Variants in FRMD4A observed in about 807,000 individuals in gnomAD.
FRMD4A encodes the protein FERM domain containing 4A.
In FRMD4A, 29 loss-of-function variants were observed where a neutral mutation model predicts 129.1. The ratio of observed to expected loss-of-function variants is 0.22; its 90% CI spans 0.17 to 0.31. FRMD4A has a LOEUF of 0.31. Ranked by LOEUF, FRMD4A falls within the 10% of genes least tolerant of loss-of-function variation. The pLI is 1.00. For missense variants in FRMD4A, 1,272 were observed against 1,375.8 expected (o/e 0.92, Z 1.19); for synonymous variants, 634 against 571.6 (o/e 1.11, Z -1.56).
rs185047038 is a variant in FRMD4A at position 13,866,465 on chromosome 10, C to T, written c.46-7553G>A. ...GGGTACTGGGTCACCTCAAGAGACA[C>T]ATCCTTCTCTCCACTTCAGTTTCCT... On this transcript the variant is annotated intron_variant, in intron 2 of 24. Coordinates refer to ENST00000357447, the MANE Select transcript of FRMD4A (RefSeq NM_018027.5). Among the ~76,000 whole-genome samples, 820 of 152,286 alleles carry T rather than the reference C, an allele frequency of 5.4e-3. 4 individuals are homozygous for T. Among genetic ancestry groups the T allele is most frequent in the Non-Finnish European group, 9.7e-3 (661 of 68,034 alleles).
chr10:13,786,679 C>G (rs954498788), intron 5 of FRMD4A, among the ~76,000 whole-genome samples: 3 of 151,702 alleles, frequency 2.0e-5, no homozygotes, highest in African/African-American at 7.3e-5. Flanking sequence ...ATAAAAGAAA[C>G]TAAAGGAAGG....
intron 3 of FRMD4A, among the ~76,000 whole-genome samples, chr10:13,815,497 A>T (rs2093527321): frequency 6.6e-6 from 1 of 152,160 alleles, no homozygotes. Flanking sequence ...GACATTGTGT[A>T]TGCATTTGAT....
At chr10:14,329,229 A>G (rs1158717836) in intron 2 of FRMD4A, among the ~76,000 whole-genome samples, 1 of 152,186 alleles carries the variant, frequency 6.6e-6, no homozygotes. Context: ...AAACATTTCC[A>G]TGCCAAGCCT....
At chr10:14,129,407 TAAA>T (rs56914092) in intron 2 of FRMD4A, among the ~76,000 whole-genome samples, 12 of 112,374 alleles carry the variant, frequency 1.1e-4, no homozygotes, top group South Asian at 2.6e-4. Flanking sequence ...TATATATATA[TAAA>T]AAATATGAGC....
intron 3 of FRMD4A, among the ~76,000 whole-genome samples, chr10:13,822,723 C>A (rs2093647929): frequency 6.6e-6 from 1 of 152,154 alleles, no homozygotes; most frequent in East Asian, 1.9e-4. Flanking sequence ...CACACAGCTC[C>A]AGGCAGCCAT....
At chr10:14,289,759 T>A (rs1308740664) in intron 2 of FRMD4A, among the ~76,000 whole-genome samples, 1 of 151,804 alleles carries the variant, frequency 6.6e-6, no homozygotes, top group Non-Finnish European at 1.5e-5. Context: ...CTAGCCAGAG[T>A]AATTAGGTAA....
chr10:13,971,737 C>A, intron 2 of FRMD4A: 1 of 1,304,392 alleles, frequency 7.7e-7, no homozygotes, highest in Middle Eastern at 2.1e-4. Flanking sequence ...AGGTCCTCAG[C>A]GCCCGACAAG....
intron 3 of FRMD4A, among the ~76,000 whole-genome samples, chr10:13,825,572 C>T (rs774410845): frequency 6.6e-6 from 1 of 152,186 alleles, no homozygotes; most frequent in Non-Finnish European, 1.5e-5. Flanking sequence ...CCTTGCCCCT[C>T]CCCACCCTGG....
At chr10:13,976,723 A>T (rs1297199200) in intron 2 of FRMD4A, among the ~76,000 whole-genome samples, 1 of 152,192 alleles carries the variant, frequency 6.6e-6, no homozygotes, top group South Asian at 2.1e-4. Context: ...GGAGAAGTAT[A>T]TTTATAGCAA....
intron 2 of FRMD4A, among the ~76,000 whole-genome samples, chr10:14,190,686 A>G (rs138405757): frequency 6.2e-4 from 95 of 152,320 alleles, no homozygotes; most frequent in African/African-American, 2.1e-3. Flanking sequence ...GCATCTGTCA[A>G]CACTGGATTT....
intron 12 of FRMD4A, among the ~76,000 whole-genome samples, chr10:13,717,010 G>A (rs1033019732): frequency 6.6e-6 from 1 of 152,140 alleles, no homozygotes; most frequent in Non-Finnish European, 1.5e-5. Context: ...GACTGGCTGG[G>A]GTCAGTGGGT....
chr10:14,254,260 AC>A (rs1238622549), intron 2 of FRMD4A, among the ~76,000 whole-genome samples: 2 of 151,856 alleles, frequency 1.3e-5, no homozygotes, highest in Non-Finnish European at 2.9e-5. Flanking sequence ...ATCACTATAC[AC>A]CCTTAGGTGG....
chr10:14,318,090 C>T (rs1846816196), intron 2 of FRMD4A, among the ~76,000 whole-genome samples: 1 of 152,082 alleles, frequency 6.6e-6, no homozygotes. Context: ...TCATGTTTCC[C>T]CATTGTAGCA....
chr10:14,076,840 G>T (rs993878741), intron 2 of FRMD4A, among the ~76,000 whole-genome samples: 3 of 152,244 alleles, frequency 2.0e-5, no homozygotes, highest in African/African-American at 7.2e-5. Context: ...AACTACTTGT[G>T]TCAGAATACA....
chr10:14,311,021 G>A (rs1846529218), intron 2 of FRMD4A, among the ~76,000 whole-genome samples: 1 of 152,110 alleles, frequency 6.6e-6, no homozygotes, highest in African/African-American at 2.4e-5. Context: ...TTCAAACACA[G>A]CAGACCCTCA....
intron 12 of FRMD4A, chr10:13,707,363 T>G (rs1390334847): frequency 3.3e-6 from 4 of 1,196,706 alleles, no homozygotes; most frequent in Non-Finnish European, 4.2e-6. Flanking sequence ...AAACAAGTTC[T>G]TTTCAAGTTC....
rs759142387 is a variant in FRMD4A, at chr10:13,995,790, G to A, written c.46-136878C>T. Among the ~76,000 whole-genome samples, 7 of 151,546 alleles carry A rather than the reference G, an allele frequency of 4.6e-5. No homozygotes were observed. The East Asian group carries it at 5.8e-4, about 13-fold the overall frequency. ...CATTCTACGTTGTTGATTTCAAATC[G>A]ACAAGTGCCCGTATGCATTTCCAGA... On this transcript the variant is annotated intron_variant, in intron 2 of 24. Transcript: ENST00000357447.
intron 2 of FRMD4A, among the ~76,000 whole-genome samples, chr10:14,192,217 T>C (rs1842340347): frequency 6.6e-6 from 1 of 152,230 alleles, no homozygotes; most frequent in African/African-American, 2.4e-5. Flanking sequence ...ACATATCTAA[T>C]TCTCCACTTT....
intron 2 of FRMD4A, among the ~76,000 whole-genome samples, chr10:14,161,711 C>G (rs971411132): frequency 6.6e-6 from 1 of 152,004 alleles, no homozygotes; most frequent in Non-Finnish European, 1.5e-5. Context: ...TGGGTACAAA[C>G]CTACAGTTGG....
Sources: gnomAD v4.1 joint callset for allele counts (sites outside exome capture counted in the v4.1 genomes callset) on GRCh38, gnomAD v4.1.1 for gene constraint, MANE v1.5 for transcripts, NCBI Gene and HGNC (gene_info 2026-07-23, HGNC 2026-07-21) for gene names.